Variants in PEX5L observed in about 807,000 individuals in gnomAD.
The protein encoded by PEX5L is peroxisomal biogenesis factor 5 like, also known as PEX5-related protein.
A neutral mutation model predicts 84.0 loss-of-function variants in PEX5L; 30 were observed. The ratio of observed to expected loss-of-function variants is 0.36; its 90% CI spans 0.27 to 0.48. The LOEUF is 0.48. PEX5L is among the 20% of genes least tolerant of loss of function. PEX5L has a pLI of 0.99. For missense variants in PEX5L, 533 were observed against 754.6 expected (o/e 0.71, Z 3.44); for synonymous variants, 270 against 283.1 (o/e 0.95, Z 0.46).
intron 1 of PEX5L, among the ~76,000 whole-genome samples, chr3:179,993,980 A>G (rs781184946): frequency 5.3e-5 from 8 of 152,224 alleles, no homozygotes; most frequent in Non-Finnish European, 1.2e-4. Flanking sequence ...CATGGATACC[A>G]AAGGCTTACT....
chr3:180,006,965 C>A (rs1235876822), intron 1 of PEX5L, among the ~76,000 whole-genome samples: 1 of 152,152 alleles, frequency 6.6e-6, no homozygotes, highest in Non-Finnish European at 1.5e-5. Flanking sequence ...CCTTACATTT[C>A]AAAATCAATC....
intron 1 of PEX5L, among the ~76,000 whole-genome samples, chr3:180,024,385 A>C (rs148607146): frequency 0.24 from 28,602 of 117,850 alleles, 5,162 homozygotes; most frequent in African/African-American, 0.5. Context: ...CACACACAAA[A>C]AAAAAAAAAA....
At chr3:179,914,294 G>A (rs1014793008) in intron 2 of PEX5L, among the ~76,000 whole-genome samples, 6 of 152,100 alleles carry the variant, frequency 3.9e-5, no homozygotes, top group African/African-American at 1.4e-4. Flanking sequence ...CTCCCCGACA[G>A]CACTACACTA....
At chr3:179,949,305 GCCCT>G (rs1411049755) in intron 2 of PEX5L, among the ~76,000 whole-genome samples, 1 of 152,090 alleles carries the variant, frequency 6.6e-6, no homozygotes, top group East Asian at 1.9e-4. Flanking sequence ...TTTCCTTAGA[GCCCT>G]TTTTGTTAAG....
chr3:180,033,667 C>T (rs1300493458), intron 1 of PEX5L, among the ~76,000 whole-genome samples: 2 of 151,976 alleles, frequency 1.3e-5, no homozygotes, highest in African/African-American at 4.8e-5. Flanking sequence ...TTGTCAGAAC[C>T]GATGCTAAAG....
rs150229232 is a variant in PEX5L at position 179,811,995 on chromosome 3, A to G, written c.1084-124T>C. 4.3e-4 allele frequency: 310 copies of G among 724,560 alleles called. 3 individuals are homozygous for G. The African/African-American group carries it at 4.9e-3, about 11-fold the overall frequency. The allele number at this position is 724,560 out of a possible 1,614,324, so 44.9% of individuals were successfully genotyped here. A position where few individuals can be genotyped will look rare whatever the true frequency, so the allele number is the denominator to read the frequency against. ...AAGCTGTCTCATATGTGAGCGCTAT[A>G]TAAAAGGGAAAAATATTGTATGCAT... is the stretch of plus-strand genomic sequence containing the variant. On this transcript the variant is annotated intron_variant, in intron 10 of 14. Transcript: ENST00000467460.
chr3:179,880,994 C>G (rs1365220705), intron 4 of PEX5L: 2 of 152,266 alleles, frequency 1.3e-5, no homozygotes, highest in Non-Finnish European at 2.9e-5. Context: ...TTTCACTGGC[C>G]CTGGCACTGC....
At chr3:180,018,836 C>T (rs1031284635) in intron 1 of PEX5L, among the ~76,000 whole-genome samples, 21 of 152,260 alleles carry the variant, frequency 1.4e-4, no homozygotes, top group Non-Finnish European at 1.8e-4. Flanking sequence ...AGATGGCTCT[C>T]TAAGGTTGCT....
At chr3:179,853,245 G>A (rs1444685305) in intron 8 of PEX5L, among the ~76,000 whole-genome samples, 1 of 152,160 alleles carries the variant, frequency 6.6e-6, no homozygotes, top group Non-Finnish European at 1.5e-5. Flanking sequence ...ACAGTGCCTG[G>A]CCCATGGAAG....
chr3:179,825,715 G>C (rs1020136279), intron 8 of PEX5L, among the ~76,000 whole-genome samples: 46 of 152,140 alleles, frequency 3.0e-4, no homozygotes, highest in Admixed American at 3.0e-3. Context: ...TCCTTGTCAC[G>C]TGACCTTATG....
chr3:179,876,189 T>C (rs546832038), intron 5 of PEX5L, among the ~76,000 whole-genome samples: 1 of 152,208 alleles, frequency 6.6e-6, no homozygotes, highest in Admixed American at 6.5e-5. Context: ...GGGGTTCAGT[T>C]TTTTAGTTTA....
chr3:180,022,326 T>G (rs1175984913), intron 1 of PEX5L, among the ~76,000 whole-genome samples: 1 of 152,194 alleles, frequency 6.6e-6, no homozygotes, highest in South Asian at 2.1e-4. Flanking sequence ...GCTGTGCATA[T>G]TTCCTCCACA....
At chr3:179,814,738 G>A (rs574894698) in intron 10 of PEX5L, among the ~76,000 whole-genome samples, 1 of 152,066 alleles carries the variant, frequency 6.6e-6, no homozygotes, top group African/African-American at 2.4e-5. Context: ...TTCTCATCTC[G>A]GAGAAAGGGG....
chr3:179,920,807 G>GAATTAATAAATTCAAAAAAA (rs1769102932), intron 2 of PEX5L, among the ~76,000 whole-genome samples: 1 of 152,056 alleles, frequency 6.6e-6, no homozygotes, highest in African/African-American at 2.4e-5. Flanking sequence ...TAAATGCTCG[G>GAATTAATAAATTCAAAAAAA]AAAGTATTTT....
chr3:180,011,569 T>A (rs1043475785), intron 1 of PEX5L, among the ~76,000 whole-genome samples: 1 of 152,160 alleles, frequency 6.6e-6, no homozygotes, highest in Non-Finnish European at 1.5e-5. Context: ...ATAGAAAAAA[T>A]TTAAAAACGT....
intron 2 of PEX5L, among the ~76,000 whole-genome samples, chr3:179,943,309 G>C (rs2109834772): frequency 6.6e-6 from 1 of 152,294 alleles, no homozygotes; most frequent in African/African-American, 2.4e-5. Context: ...CCATCTCTTA[G>C]CACAGAGATT....
At chr3:180,006,952 T>C (rs761634175) in intron 1 of PEX5L, among the ~76,000 whole-genome samples, 13 of 152,154 alleles carry the variant, frequency 8.5e-5, no homozygotes, top group Non-Finnish European at 1.6e-4. Context: ...AAAAATCTCA[T>C]GTCCTTACAT....
intron 10 of PEX5L, among the ~76,000 whole-genome samples, chr3:179,814,956 C>T (rs1439507580): frequency 6.6e-6 from 1 of 152,156 alleles, no homozygotes; most frequent in Non-Finnish European, 1.5e-5. Flanking sequence ...CTTGACTCCC[C>T]TATTGCCTTT....
At chr3:179,912,600 A>G (rs1399074256) in intron 2 of PEX5L, among the ~76,000 whole-genome samples, 1 of 152,124 alleles carries the variant, frequency 6.6e-6, no homozygotes, top group Non-Finnish European at 1.5e-5. Context: ...CTATTCCTAT[A>G]AACACTGAAT....
Sources: allele counts gnomAD v4.1 joint callset (sites outside exome capture counted in the v4.1 genomes callset), GRCh38; gene constraint gnomAD v4.1.1; transcripts MANE v1.5; gene names NCBI Gene and HGNC (gene_info 2026-07-23, HGNC 2026-07-21).